COL5A3: variants seen among roughly 807,000 people sequenced by gnomAD.
The protein encoded by COL5A3 is collagen alpha-3(V) chain.
COL5A3 carries 172 observed loss-of-function variants against 250.0 expected under a neutral mutation model. The ratio of observed to expected loss-of-function variants is 0.69; its 90% CI spans 0.61 to 0.78. The LOEUF (loss-of-function observed/expected upper bound fraction) is 0.78. Among genes scored for constraint, COL5A3 ranks in the 30% least tolerant of loss-of-function variants. The probability of loss-of-function intolerance (pLI) is 0.00; values close to 1 mark genes in which losing one functional copy is unlikely to be tolerated. For synonymous variants in COL5A3, 937 were observed against 900.4 expected, an observed-to-expected ratio of 1.04 and a Z score of -0.73; for missense variants, 2,340 against 2,334.4, an observed-to-expected ratio of 1.00 and a Z score of -0.05.
intron 1 of COL5A3, among the ~76,000 whole-genome samples, chr19:10,006,878 ACTC>A (rs1348924588): frequency 6.7e-6 from 1 of 148,710 alleles, no homozygotes; most frequent in Non-Finnish European, 1.5e-5. Flanking sequence ...CTGATCCCAA[ACTC>A]CTCCTTCTGA....
rs2087394763 is a variant in COL5A3 at position 10,003,618 on chromosome 19, T to G, written c.796A>C (p.Lys266Gln). ...GRGRKGKGRK[K>Q]NKEIWTSSPP... Reference sequence around the variant, plus strand: ...CTTGAGGTCCAAATTTCCTTGTTCTTTTTCCTGCCCTTCCCCTTGCGACCT... The same window carrying G: ...CTTGAGGTCCAAATTTCCTTGTTCTGTTTCCTGCCCTTCCCCTTGCGACCT... The change falls in exon 6 of 67, where the codon AAG becomes CAG. Residue 266 changes from lysine (K) to glutamine (Q), a missense_variant. Lys to Gln is a moderately conservative substitution (Grantham distance 53). This residue lies in a region of COL5A3 where 1,152 missense variants were observed against 1,146.3 expected (regional missense o/e 1.00). Transcript: ENST00000264828. 1.2e-6 allele frequency: 2 copies of G among 1,614,130 alleles called. No individual in the cohort carries two copies. The highest frequency in any genetic ancestry group is 1.7e-6 in the Non-Finnish European group (2 of 1,180,022).
chr19:9,974,572 G>C (rs1331678109), intron 45 of COL5A3, among the ~76,000 whole-genome samples, 164 bp from the exon 46 acceptor site: 1 of 152,210 alleles, frequency 6.6e-6, no homozygotes, highest in African/African-American at 2.4e-5. Context: ...AAGGAACAGG[G>C]CTTGGGAATG....
chr19:9,991,881 C>A (rs1204174033), intron 22 of COL5A3, 40 bp from the exon 23 acceptor site: 1 of 1,599,208 alleles, frequency 6.3e-7, no homozygotes, highest in Non-Finnish European at 8.6e-7. Context: ...TAAGAGGGGT[C>A]ATGGTGTTGG....
rs901914848 is a variant in COL5A3, at chr19:10,009,079, CG to C, written c.88+1218del. On this transcript the variant is annotated intron_variant, in intron 1 of 66. Coordinates refer to ENST00000264828, the MANE Select transcript of COL5A3 (RefSeq NM_015719.4). This position sits in a 1 kb window ranked among gnomAD's most constrained non-coding sequence, Gnocchi z 4.4. Reference sequence around the variant, plus strand: ...TTCCATGACCATGTGGATGTGTGAGCGTGGGAATGCGGCATAGTCCAATCAG... The same window carrying C: ...TTCCATGACCATGTGGATGTGTGAGCTGGGAATGCGGCATAGTCCAATCAG... Among the ~76,000 whole-genome samples the C allele has an allele frequency of 6.6e-6, 1 of 151,438 alleles. No homozygotes were observed.
chr19:9,977,185 T>C, intron 44 of COL5A3, 44 bp downstream of exon 44: 1 of 1,596,768 alleles, frequency 6.3e-7, no homozygotes, highest in Non-Finnish European at 8.6e-7. Flanking sequence ...TCCTCTTTCT[T>C]CCGCTACCCA....
chr19:9,967,238 T>C, intron 62 of COL5A3, 109 bp downstream of exon 62: 1 of 731,548 alleles, frequency 1.4e-6, no homozygotes, highest in East Asian at 3.3e-5. Flanking sequence ...ACCTAGTGTG[T>C]GCCTGGCCCA....
rs766298388 is a variant in COL5A3, at chr19:9,960,743, G to A, written c.4999C>T (p.His1667Tyr). 1.9e-6 allele frequency: 3 copies of A among 1,613,956 alleles called. No individual in the cohort carries two copies. Among genetic ancestry groups the A allele is most frequent in the Admixed American group, 3.3e-5 (2 of 59,968 alleles). ...WLDEATGDYSHSARFLGTNGE... is the reference protein window; with the variant it reads ...WLDEATGDYSYSARFLGTNGE... Reference sequence around the variant, plus strand: ...TTGGTGCCAAGGAAGCGGGCGGAGTGGCTGTAGTCACCCGTGGCTTCGTCC... The same window carrying A: ...TTGGTGCCAAGGAAGCGGGCGGAGTAGCTGTAGTCACCCGTGGCTTCGTCC... The change falls in exon 66 of 67, where the codon CAC becomes TAC. Residue 1667 changes from histidine (H) to tyrosine (Y), a missense_variant. His to Tyr is a moderately conservative substitution (Grantham distance 83). Transcript: ENST00000264828.
At chr19:9,996,882 G>T in intron 11 of COL5A3, 193 bp from the exon 12 acceptor site, 1 of 576,988 alleles carries the variant, frequency 1.7e-6, no homozygotes, top group South Asian at 2.3e-5. Context: ...AGACAGAGAT[G>T]GAACAGAGAC....
At chr19:10,000,402 C>A (rs928127037) in intron 8 of COL5A3, among the ~76,000 whole-genome samples, 1 of 150,966 alleles carries the variant, frequency 6.6e-6, no homozygotes, top group African/African-American at 2.4e-5. Context: ...TTCCCTGCTG[C>A]CCCTCTGGCT....
chr19:9,996,783 G>GAC, intron 11 of COL5A3, 94 bp from the exon 12 acceptor site: 1 of 836,520 alleles, frequency 1.2e-6, no homozygotes, highest in South Asian at 1.8e-5. Flanking sequence ...GTCAGAAAGA[G>GAC]AGAGAGAGGG....
intron 31 of COL5A3, among the ~76,000 whole-genome samples, chr19:9,984,791 CT>C (rs971370390): frequency 9.9e-5 from 15 of 151,994 alleles, no homozygotes; most frequent in African/African-American, 3.6e-4. Flanking sequence ...TCAAAGCTCA[CT>C]TTTTAAAAAA....
chr19:9,991,938 A>AGGGATGT (rs1010421676), intron 22 of COL5A3, 66 bp downstream of exon 22: 1 of 1,569,610 alleles, frequency 6.4e-7, no homozygotes, highest in African/African-American at 1.4e-5. Context: ...GGAAGGGAAT[A>AGGGATGT]GGGATGTGGA....
chr19:9,995,234 G>A (rs745622523), intron 16 of COL5A3, among the ~76,000 whole-genome samples: 53 of 152,160 alleles, frequency 3.5e-4, no homozygotes, highest in Admixed American at 5.9e-4. Context: ...TCATTATGTG[G>A]TGCATGACTC....
chr19:9,974,469 G>T, intron 45 of COL5A3, 61 bp from the exon 46 acceptor site: 1 of 1,298,334 alleles, frequency 7.7e-7, no homozygotes, highest in East Asian at 2.4e-5. Flanking sequence ...GCAGAGTGAG[G>T]CTCAAGGGTC....
intron 16 of COL5A3, 47 bp downstream of exon 16, chr19:9,995,517 G>A (rs199882351): frequency 4.5e-6 from 7 of 1,549,476 alleles, no homozygotes; most frequent in South Asian, 2.4e-5. Flanking sequence ...CATGTTGGGT[G>A]TTGAGGGATG....
chr19:9,981,780 C>T (rs1430888288), intron 32 of COL5A3, among the ~76,000 whole-genome samples: 1 of 152,236 alleles, frequency 6.6e-6, no homozygotes, highest in African/African-American at 2.4e-5. Context: ...GATTCATGCC[C>T]TTGTTCACCC....
intron 64 of COL5A3, among the ~76,000 whole-genome samples, chr19:9,964,853 CTAAAAAAAAAAAAAAAAAA>C (rs2086716636): frequency 3.5e-5 from 2 of 57,184 alleles, no homozygotes; most frequent in Non-Finnish European, 3.3e-5. Flanking sequence ...CCCATCTCTA[CTAAAAAAAAAAAAAAAAAA>C]AAAAAAAAAA....
At chr19:10,002,168 A>G (rs1247498946) in intron 6 of COL5A3, among the ~76,000 whole-genome samples, 1 of 152,122 alleles carries the variant, frequency 6.6e-6, no homozygotes, top group Non-Finnish European at 1.5e-5. Context: ...AGCCTAGCCC[A>G]CATGTCCTCT....
At chr19:9,969,095 A>G (rs963525364) in intron 57 of COL5A3, among the ~76,000 whole-genome samples, 2 of 152,004 alleles carry the variant, frequency 1.3e-5, no homozygotes, top group African/African-American at 4.8e-5. Flanking sequence ...TCAAGGTGGA[A>G]GGTCAGAGCA....
Sources: gnomAD v4.1 joint callset for allele counts (sites outside exome capture counted in the v4.1 genomes callset) on GRCh38, gnomAD v4.1.1 for gene constraint, gnomAD v4.1.1 regional missense constraint, Gnocchi (gnomAD v3.1) non-coding constraint, MANE v1.5 for transcripts, NCBI Gene and HGNC (gene_info 2026-07-23, HGNC 2026-07-21) for gene names.